Variants in ATF7 observed in about 807,000 individuals in gnomAD.
ATF7 encodes cyclic AMP-dependent transcription factor ATF-7.
In ATF7, 10 loss-of-function variants were observed where a neutral mutation model predicts 50.4. The ratio of observed to expected loss-of-function variants is 0.20; its 90% CI spans 0.12 to 0.34. The LOEUF is 0.34. Ranked by LOEUF, ATF7 falls within the 10% of genes least tolerant of loss-of-function variation. The pLI, the probability that ATF7 is intolerant of heterozygous loss-of-function variation, is 1.00. For synonymous variants in ATF7, 201 were observed against 226.4 expected (o/e 0.89, Z 1.01); for missense variants, 465 against 613.9 (o/e 0.76, Z 2.56).
In ATF7 at chr12:53,515,588, C is replaced by T. The variant is rs899771701; in HGVS notation, c.*1549G>A. 6.6e-6 allele frequency: 1 copy of T among 152,156 alleles called. No homozygotes were observed. The highest frequency in any genetic ancestry group is 2.1e-4 in the South Asian group (1 of 4,830). The allele number at this position is 152,156 out of a possible 1,614,324, so 9.4% of individuals were successfully genotyped here. A position where few individuals can be genotyped will look rare whatever the true frequency, so the allele number is the denominator to read the frequency against. ...GCCAAGGGGAGATGAGAAGCCTTAA[C>T]GTGGAAGAGGGACAAGAGAGATGAA... On this transcript the variant is annotated 3_prime_UTR_variant, in exon 12 of 12. Transcript: ENST00000420353.
In ATF7 at chr12:53,606,479, C is replaced by G. The variant is rs546720050; in HGVS notation, c.-21-5458G>C. Among the ~76,000 whole-genome samples the G allele has an allele frequency of 5.3e-5, 8 of 152,156 alleles. No individual in the cohort carries two copies. In the South Asian group the frequency reaches 1.7e-3, roughly 32 times the overall value. On this transcript the variant is annotated intron_variant, in intron 1 of 11. Transcript: ENST00000420353. ...GTCAGGCTGGTCTCCAACTCCAGAC[C>G]TTAGGTGATCCACCCGCCTTGGTCT...
chr12:53,532,649 A>G (rs1255329401), intron 7 of ATF7, 26 bp from the exon 8 acceptor site: 2 of 1,490,766 alleles, frequency 1.3e-6, no homozygotes, highest in Non-Finnish European at 1.8e-6. Flanking sequence ...GAAAAAAAAA[A>G]AAAGAGAAGG....
intron 2 of ATF7, among the ~76,000 whole-genome samples, chr12:53,560,377 T>G (rs889948089): frequency 6.6e-6 from 1 of 152,108 alleles, no homozygotes; most frequent in Non-Finnish European, 1.5e-5. Context: ...TATTTTGAAA[T>G]AGCAGCACTG....
chr12:53,616,520 C>T (rs1452084367), intron 1 of ATF7, among the ~76,000 whole-genome samples: 2 of 151,630 alleles, frequency 1.3e-5, no homozygotes, highest in Non-Finnish European at 2.9e-5. Context: ...ACTCACCCAA[C>T]CTACACTTTC....
intron 1 of ATF7, among the ~76,000 whole-genome samples, chr12:53,614,053 G>A (rs939938714): frequency 6.6e-6 from 1 of 152,114 alleles, no homozygotes; most frequent in Non-Finnish European, 1.5e-5. Context: ...ACAGATGAGA[G>A]TGAGAATTAG....
intron 2 of ATF7, among the ~76,000 whole-genome samples, chr12:53,599,063 G>A (rs1943278215): frequency 6.6e-6 from 1 of 152,044 alleles, no homozygotes; most frequent in African/African-American, 2.4e-5. Context: ...ACAGTGTCTC[G>A]CTCTGTTGCC....
intron 2 of ATF7, chr12:53,600,721 T>G: frequency 2.2e-6 from 1 of 451,796 alleles, no homozygotes; most frequent in Non-Finnish European, 4.0e-6. Flanking sequence ...CCATACTGTG[T>G]GGTGGGAAAC....
chr12:53,525,092 G>A (rs533213214), intron 9 of ATF7: 77 of 199,700 alleles, frequency 3.9e-4, no homozygotes, highest in African/African-American at 1.8e-3. Context: ...AGTGGCTCGC[G>A]CCTGTAATCC....
At chr12:53,572,787 ATT>A (rs549270407) in intron 2 of ATF7, among the ~76,000 whole-genome samples, 7 of 142,398 alleles carry the variant, frequency 4.9e-5, no homozygotes, top group Non-Finnish European at 6.2e-5. Flanking sequence ...CCTCTATTTA[ATT>A]TTTTTTTTTT....
rs55904354 is a variant in ATF7, at chr12:53,587,366, CA to C, written c.48+13586del. Among the ~76,000 whole-genome samples, 248 of 62,266 alleles carry C rather than the reference CA, an allele frequency of 4.0e-3. 2 individuals are homozygous for C. Among genetic ancestry groups the C allele is most frequent in the East Asian group, 6.1e-3 (3 of 488 alleles). 40.8% of individuals were successfully genotyped at this position (62,266 alleles called of 152,430 possible). ...TGGGTGACAGAGCGAAATTCCGCAT[CA>C]AAAAAAAAAAAAAAAAGAAGGAAAA... On this transcript the variant is annotated intron_variant, in intron 2 of 11. Coordinates refer to ENST00000420353, the MANE Select transcript of ATF7 (RefSeq NM_006856.3).
At chr12:53,621,869 A>C (rs1944397581) in intron 1 of ATF7, among the ~76,000 whole-genome samples, 1 of 152,108 alleles carries the variant, frequency 6.6e-6, no homozygotes, top group South Asian at 2.1e-4. Context: ...GAGTGCAATA[A>C]AATAGAAGTT....
intron 2 of ATF7, among the ~76,000 whole-genome samples, chr12:53,559,813 T>C (rs190245123): frequency 3.3e-5 from 5 of 152,142 alleles, no homozygotes; most frequent in African/African-American, 1.2e-4. Flanking sequence ...AAGCCTCCCA[T>C]ATATTCCTGT....
chr12:53,617,457 C>T (rs1446070801), intron 1 of ATF7, among the ~76,000 whole-genome samples: 5 of 152,028 alleles, frequency 3.3e-5, no homozygotes, highest in Admixed American at 2.6e-4. Flanking sequence ...GTTGAAACCC[C>T]GTCTCTACTA....
intron 3 of ATF7, among the ~76,000 whole-genome samples, chr12:53,550,331 A>AAATAAATAAATAAAT: frequency 8.1e-6 from 1 of 123,630 alleles, no homozygotes; most frequent in Middle Eastern, 3.8e-3. Context: ...CTCAAAAAAA[A>AAATAAATAAATAAAT]AAATAAATAA....
chr12:53,599,208 A>ATT (rs200678097), intron 2 of ATF7, among the ~76,000 whole-genome samples: 1 of 146,366 alleles, frequency 6.8e-6, no homozygotes, highest in Non-Finnish European at 1.5e-5. Flanking sequence ...TAATTTTTAA[A>ATT]TTTTTTTTTT....
At chr12:53,608,359 CAAAT>C (rs945320305) in intron 1 of ATF7, among the ~76,000 whole-genome samples, 5 of 151,692 alleles carry the variant, frequency 3.3e-5, no homozygotes, top group Admixed American at 3.3e-4. Context: ...AACCAAGTGA[CAAAT>C]TAAGTTCAAA....
In ATF7 at chr12:53,555,900, C is replaced by T. The variant is rs191336053; in HGVS notation, c.49-3263G>A. Among the ~76,000 whole-genome samples, 306 of 152,208 alleles carry T rather than the reference C, an allele frequency of 2.0e-3. 1 individual carries two copies. Among genetic ancestry groups the T allele is most frequent in the African/African-American group, 7.2e-3 (298 of 41,532 alleles). On this transcript the variant is annotated intron_variant, in intron 2 of 11. Transcript: ENST00000420353. ...GCGCAATCTTGGCTCACTGCAACCT[C>T]CACCTCCCGGGTTCAAGCGATTCTC...
intron 1 of ATF7, among the ~76,000 whole-genome samples, chr12:53,605,511 C>T (rs893766216): frequency 6.6e-6 from 1 of 150,656 alleles, no homozygotes; most frequent in Non-Finnish European, 1.5e-5. Context: ...AAATAATTTA[C>T]TCAGTGCCTA....
intron 2 of ATF7, among the ~76,000 whole-genome samples, chr12:53,560,018 G>C (rs1366054039): frequency 1.3e-5 from 2 of 152,118 alleles, no homozygotes; most frequent in East Asian, 3.9e-4. Flanking sequence ...CGCCTCCTGG[G>C]TTCAAGTGAT....
Sources: allele counts gnomAD v4.1 joint callset (sites outside exome capture counted in the v4.1 genomes callset), GRCh38; gene constraint gnomAD v4.1.1; transcripts MANE v1.5; gene names NCBI Gene and HGNC (gene_info 2026-07-23, HGNC 2026-07-21).